RFTN1: variants seen among roughly 807,000 people sequenced by gnomAD.
RFTN1 encodes raftlin, lipid raft linker 1.
A neutral mutation model predicts 46.5 loss-of-function variants in RFTN1; 26 were observed. The observed-to-expected ratio is 0.56, with a 90% CI of 0.41 to 0.78. The LOEUF (loss-of-function observed/expected upper bound fraction) is 0.78. Ranked by LOEUF, RFTN1 falls within the 30% of genes least tolerant of loss-of-function variation. The probability of loss-of-function intolerance (pLI) is 0.00; values close to 1 mark genes in which losing one functional copy is unlikely to be tolerated. For missense variants in RFTN1, 693 were observed against 718.7 expected, an observed-to-expected ratio of 0.96 and a Z score of 0.41; for synonymous variants, 261 against 284.2, an observed-to-expected ratio of 0.92 and a Z score of 0.82.
rs1413005129 is a variant in RFTN1, at chr3:16,483,329, T to C, written c.145+10396A>G. Among the ~76,000 whole-genome samples the C allele has an allele frequency of 1.3e-5, 2 of 152,226 alleles. No individual in the cohort carries two copies. Among genetic ancestry groups the C allele is most frequent in the East Asian group, 3.8e-4 (2 of 5,196 alleles). ...CTTCCTTCCTTTCCCTAGTTTACGA[T>C]GTTGGGCTCCCCTGTAAAGCACCCC... On this transcript the variant is annotated intron_variant, in intron 2 of 9. Transcript: ENST00000334133. The surrounding 1 kb of genome is among the most constrained non-coding windows in gnomAD (Gnocchi z 4.8).
rs1159106915 is a variant in RFTN1, at chr3:16,421,359, CT to C, written c.333-11877del. Among the ~76,000 whole-genome samples the C allele has an allele frequency of 7.3e-6, 1 of 136,558 alleles. No homozygotes were observed. The highest frequency in any genetic ancestry group is 2.7e-5 in the African/African-American group (1 of 36,730). The allele number at this position is 136,558 out of a possible 152,430, so 89.6% of individuals were successfully genotyped here. A position where few individuals can be genotyped will look rare whatever the true frequency, so the allele number is the denominator to read the frequency against. The stretch of plus-strand genomic sequence containing the variant: ...ATTGGTATTGGTGTTTTTTTTTTTT[CT>C]TTTCTTTTTGAGATGGTGTCTCACT... On this transcript the variant is annotated intron_variant, in intron 3 of 9. Transcript: ENST00000334133. The surrounding 1 kb of genome is among the most constrained non-coding windows in gnomAD (Gnocchi z 4.6).
In RFTN1 at chr3:16,506,525, A is replaced by G. The variant is rs149018991; in HGVS notation, c.-9+6917T>C. On this transcript the variant is annotated intron_variant, in intron 1 of 9. Transcript: ENST00000334133. This position sits in a 1 kb window ranked among gnomAD's most constrained non-coding sequence, Gnocchi z 4.8. ...TTCTGTATATGTTTTGAAGGCAGAAAACAGGATTGACTGATGATTTGGAAA... is the reference window on the plus strand; with the variant it reads ...TTCTGTATATGTTTTGAAGGCAGAAGACAGGATTGACTGATGATTTGGAAA... 5.9e-5 allele frequency among the ~76,000 whole-genome samples: 9 copies of G among 152,202 alleles called. No individual in the cohort carries two copies. The highest frequency in any genetic ancestry group is 2.2e-4 in the African/African-American group (9 of 41,540).
At chr3:16,331,944 T>C (rs1394804303) in intron 7 of RFTN1, among the ~76,000 whole-genome samples, 1 of 152,238 alleles carries the variant, frequency 6.6e-6, no homozygotes, top group African/African-American at 2.4e-5. Context: ...GTACCTCTAG[T>C]AGTTTCTAGA....
At position 16,433,106 on chromosome 3, in the gene RFTN1, C is replaced by T. The variant is rs1314931486; in HGVS notation, c.332+745G>A. ...GACAAATCTGATTTCCTTTCCCAGA[C>T]TTCATTTTAATTTTTATTTTTATGA... On this transcript the variant is annotated intron_variant, in intron 3 of 9. Transcript: ENST00000334133. The surrounding 1 kb of genome is among the most constrained non-coding windows in gnomAD (Gnocchi z 4.4). 6.6e-6 allele frequency among the ~76,000 whole-genome samples: 1 copy of T among 151,888 alleles called. No homozygotes were observed. Among genetic ancestry groups the T allele is most frequent in the Non-Finnish European group, 1.5e-5 (1 of 67,994 alleles).
intron 1 of RFTN1, among the ~76,000 whole-genome samples, chr3:16,496,894 G>T (rs116298384): frequency 0.011 from 1,710 of 152,198 alleles, 34 homozygotes; most frequent in African/African-American, 0.039. Context: ...ATAAAGCAAC[G>T]AAAACATGGA....
intron 3 of RFTN1, among the ~76,000 whole-genome samples, chr3:16,412,903 C>A (rs1159253124): frequency 6.6e-6 from 1 of 152,186 alleles, no homozygotes; most frequent in African/African-American, 2.4e-5. Flanking sequence ...TTCCTGCCAA[C>A]AAACTGAGGG....
At position 16,407,272 on chromosome 3, in the gene RFTN1, T is replaced by C. The variant is rs1454498337; in HGVS notation, c.441+2103A>G. ...ATCATAGCTCACTGTGGTCTCAAAC[T>C]CCTGGGCTCAAGCAATTCTCTCGCC... is the stretch of plus-strand genomic sequence containing the variant. On this transcript the variant is annotated intron_variant, in intron 4 of 9. Transcript: ENST00000334133. This position sits in a 1 kb window ranked among gnomAD's most constrained non-coding sequence, Gnocchi z 4.0. Among the ~76,000 whole-genome samples the C allele has an allele frequency of 6.6e-6, 1 of 152,178 alleles. No individual in the cohort carries two copies. Among genetic ancestry groups the C allele is most frequent in the East Asian group, 1.9e-4 (1 of 5,200 alleles).
At chr3:16,454,263 T>A (rs929427115) in intron 2 of RFTN1, among the ~76,000 whole-genome samples, 1 of 152,242 alleles carries the variant, frequency 6.6e-6, no homozygotes. Context: ...TTGCCCCACA[T>A]TGGTCTTATC....
In RFTN1 at chr3:16,338,140, C is replaced by T. The variant is rs1012064437; in HGVS notation, c.1147-11264G>A. 3.3e-5 allele frequency among the ~76,000 whole-genome samples: 5 copies of T among 152,200 alleles called. No homozygotes were observed. Among genetic ancestry groups the T allele is most frequent in the African/African-American group, 4.8e-5 (2 of 41,440 alleles). Reference sequence around the variant, plus strand: ...CTGGGTGATCTGGTCCTGGTACATGCGGTTTCTCTAACGTCAGTTACTTGG... The same window carrying T: ...CTGGGTGATCTGGTCCTGGTACATGTGGTTTCTCTAACGTCAGTTACTTGG... On this transcript the variant is annotated intron_variant, in intron 7 of 9. Transcript: ENST00000334133. This position sits in a 1 kb window ranked among gnomAD's most constrained non-coding sequence, Gnocchi z 5.3.
rs1366250952 is a variant in RFTN1 at position 16,341,682 on chromosome 3, G to A, written c.1147-14806C>T. Reference sequence around the variant, plus strand: ...AACTGACATGAATTACTATACAAGAGCAAGAAAATTGAAGTCAGCAAAAAC... The same window carrying A: ...AACTGACATGAATTACTATACAAGAACAAGAAAATTGAAGTCAGCAAAAAC... On this transcript the variant is annotated intron_variant, in intron 7 of 9. Transcript: ENST00000334133. The surrounding 1 kb of genome is among the most constrained non-coding windows in gnomAD (Gnocchi z 4.7). 6.6e-6 allele frequency among the ~76,000 whole-genome samples: 1 copy of A among 152,066 alleles called. No individual in the cohort carries two copies. The highest frequency in any genetic ancestry group is 1.5e-5 in the Non-Finnish European group (1 of 68,006).
intron 7 of RFTN1, among the ~76,000 whole-genome samples, chr3:16,354,825 T>C (rs1333241682): frequency 1.3e-5 from 2 of 152,234 alleles, no homozygotes; most frequent in Non-Finnish European, 2.9e-5. Flanking sequence ...ACAGCTACAC[T>C]GCACCCTGAA....
chr3:16,351,451 A>C lies in RFTN1; in HGVS notation c.1146+6481T>G, dbSNP rs956286333. On this transcript the variant is annotated intron_variant, in intron 7 of 9. Transcript: ENST00000334133. This position sits in a 1 kb window ranked among gnomAD's most constrained non-coding sequence, Gnocchi z 5.4. Reference sequence around the variant, plus strand: ...GAAATAAAATGGGGGTTAACTCAACAAAAGATTGAATACGCAGGCAGAGAG... The same window carrying C: ...GAAATAAAATGGGGGTTAACTCAACCAAAGATTGAATACGCAGGCAGAGAG... 6.6e-6 allele frequency among the ~76,000 whole-genome samples: 1 copy of C among 152,246 alleles called. No individual in the cohort carries two copies. The highest frequency in any genetic ancestry group is 1.5e-5 in the Non-Finnish European group (1 of 68,034).
rs1321429815 is a variant in RFTN1 at position 16,400,036 on chromosome 3, T to C, written c.441+9339A>G. Among the ~76,000 whole-genome samples, 1 of 152,198 alleles carries C rather than the reference T, an allele frequency of 6.6e-6. No homozygotes were observed. Among genetic ancestry groups the C allele is most frequent in the Non-Finnish European group, 1.5e-5 (1 of 68,032 alleles). ...GAAGCCAGTCACTAACCTGCAGCCATTCTGATCTTTCCAAAGTATACATTT... is the reference window on the plus strand; with the variant it reads ...GAAGCCAGTCACTAACCTGCAGCCACTCTGATCTTTCCAAAGTATACATTT... On this transcript the variant is annotated intron_variant, in intron 4 of 9. Coordinates refer to ENST00000334133, the MANE Select transcript of RFTN1 (RefSeq NM_015150.2). The surrounding 1 kb of genome is among the most constrained non-coding windows in gnomAD (Gnocchi z 4.5).
intron 1 of RFTN1, among the ~76,000 whole-genome samples, chr3:16,511,496 G>A: frequency 6.6e-6 from 1 of 152,110 alleles, no homozygotes; most frequent in East Asian, 1.9e-4. Context: ...CTCTAGGTGT[G>A]TATATTTAGG....
rs934851961 is a variant in RFTN1, at chr3:16,316,596, C to T, written c.*232G>A. ...GCCATGAGGGCTAGAATAACCTGAC[C>T]TCTTGCATTCTAACACTGGGTCATT... On this transcript the variant is annotated 3_prime_UTR_variant, in exon 10 of 10. Coordinates refer to ENST00000334133, the MANE Select transcript of RFTN1 (RefSeq NM_015150.2). This position sits in a 1 kb window ranked among gnomAD's most constrained non-coding sequence, Gnocchi z 4.5. 4 of 599,392 alleles carry T rather than the reference C, an allele frequency of 6.7e-6. No homozygotes were observed. The Admixed American group carries it at 9.0e-5, about 13-fold the overall frequency. The allele number at this position is 599,392 out of a possible 1,614,324, so 37.1% of individuals were successfully genotyped here. A position where few individuals can be genotyped will look rare whatever the true frequency, so the allele number is the denominator to read the frequency against.
intron 2 of RFTN1, among the ~76,000 whole-genome samples, chr3:16,455,723 G>A (rs2075893913): frequency 6.6e-6 from 1 of 152,140 alleles, no homozygotes; most frequent in Admixed American, 6.5e-5. Flanking sequence ...CAAGCTCTCA[G>A]ATAACCAACT....
intron 2 of RFTN1, among the ~76,000 whole-genome samples, chr3:16,462,809 C>T (rs371580921): frequency 1.2e-4 from 18 of 152,338 alleles, no homozygotes; most frequent in African/African-American, 3.8e-4. Flanking sequence ...GTGCAGGTCT[C>T]GTTTGACCTT....
At position 16,356,208 on chromosome 3, in the gene RFTN1, C is replaced by T. The variant is rs1368516398; in HGVS notation, c.1146+1724G>A. On this transcript the variant is annotated intron_variant, in intron 7 of 9. Coordinates refer to ENST00000334133, the MANE Select transcript of RFTN1 (RefSeq NM_015150.2). The surrounding 1 kb of genome is among the most constrained non-coding windows in gnomAD (Gnocchi z 4.9). ...GGACCTGCCCACACTCGCTTGGCAT[C>T]TTGGACTGAGCTTTACTTCCTCTGC... 6.6e-6 allele frequency among the ~76,000 whole-genome samples: 1 copy of T among 152,198 alleles called. No individual in the cohort carries two copies.
rs897736492 is a variant in RFTN1, at chr3:16,499,251, A to C, written c.-8-5374T>G. 2.6e-5 allele frequency among the ~76,000 whole-genome samples: 4 copies of C among 152,206 alleles called. No homozygotes were observed. The highest frequency in any genetic ancestry group is 9.6e-5 in the African/African-American group (4 of 41,452). On this transcript the variant is annotated intron_variant, in intron 1 of 9. Coordinates refer to ENST00000334133, the MANE Select transcript of RFTN1 (RefSeq NM_015150.2). The surrounding 1 kb of genome is among the most constrained non-coding windows in gnomAD (Gnocchi z 4.9). The stretch of plus-strand genomic sequence containing the variant: ...CATTCCTCCTATTGAGCCTATTGAG[A>C]GGTGAGGTCTATGTCAATTACCCTG...
Sources: gnomAD v4.1 joint callset for allele counts (sites outside exome capture counted in the v4.1 genomes callset) on GRCh38, gnomAD v4.1.1 for gene constraint, Gnocchi (gnomAD v3.1) non-coding constraint, MANE v1.5 for transcripts, NCBI Gene and HGNC (gene_info 2026-07-23, HGNC 2026-07-21) for gene names.